The following SEC31A variants were observed in gnomAD, a reference collection of about 807,000 sequenced individuals.
SEC31A encodes protein transport protein Sec31A.
In SEC31A, 70 loss-of-function variants were observed where a neutral mutation model predicts 151.0. The ratio of observed to expected loss-of-function variants is 0.46; its 90% CI spans 0.38 to 0.57. The LOEUF is 0.57. Among genes scored for constraint, SEC31A ranks in the 20% least tolerant of loss-of-function variants. The pLI is 0.00. For missense variants in SEC31A, 1,330 were observed against 1,471.2 expected, an observed-to-expected ratio of 0.90 and a Z score of 1.57; for synonymous variants, 475 against 505.9, an observed-to-expected ratio of 0.94 and a Z score of 0.82.
chr4:82,873,413 T>C (rs562437199), intron 6 of SEC31A, among the ~76,000 whole-genome samples: 6 of 150,460 alleles, frequency 4.0e-5, no homozygotes, highest in Admixed American at 1.3e-4. Flanking sequence ...AAAAACCCCA[T>C]ACTTTTCCTC....
chr4:82,867,524 G>A (rs1403968684), intron 8 of SEC31A, among the ~76,000 whole-genome samples: 1 of 152,186 alleles, frequency 6.6e-6, no homozygotes, highest in Non-Finnish European at 1.5e-5. Flanking sequence ...CAGGAATGCA[G>A]CTTAAAATTT....
chr4:82,873,760 A>G (rs1044482284), intron 6 of SEC31A, among the ~76,000 whole-genome samples: 2 of 152,240 alleles, frequency 1.3e-5, no homozygotes, highest in Non-Finnish European at 2.9e-5. Flanking sequence ...AAACAAACAA[A>G]AAAAGCTCCA....
chr4:82,850,985 A>T (rs1318421398), intron 19 of SEC31A, among the ~76,000 whole-genome samples: 1 of 152,226 alleles, frequency 6.6e-6, no homozygotes, highest in East Asian at 1.9e-4. Flanking sequence ...ACAGTATCAA[A>T]CTAAAATGGC....
rs560878925 is a variant in SEC31A at position 82,898,950 on chromosome 4, T to C, written c.-2+763A>G. On this transcript the variant is annotated intron_variant, in intron 3 of 28. Coordinates refer to the SEC31A transcript ENST00000355196. ...ATGTTCATAATAGTAAAAAAAAAAA[T>C]TGGAAAACCCAAATGTCCACCAACT... 7.9e-4 allele frequency among the ~76,000 whole-genome samples: 119 copies of C among 151,470 alleles called. 1 individual carries two copies. The highest frequency in any genetic ancestry group is 1.5e-3 in the Non-Finnish European group (103 of 67,954).
At chr4:82,826,564 G>A (rs535515661) in intron 24 of SEC31A, among the ~76,000 whole-genome samples, 3 of 152,308 alleles carry the variant, frequency 2.0e-5, no homozygotes, top group African/African-American at 7.2e-5. Flanking sequence ...TGCTGGCCAG[G>A]CTGGTCTCCA....
intron 20 of SEC31A, among the ~76,000 whole-genome samples, chr4:82,845,936 C>G (rs1416461042): frequency 6.6e-6 from 1 of 152,116 alleles, no homozygotes; most frequent in Non-Finnish European, 1.5e-5. Context: ...ACCTGATTTC[C>G]AGGCCAGTGT....
intron 12 of SEC31A, 58 bp downstream of exon 12, chr4:82,863,260 T>C: frequency 9.9e-7 from 1 of 1,013,184 alleles, no homozygotes; most frequent in Non-Finnish European, 1.5e-6. Flanking sequence ...TGTAGAACTT[T>C]ATTTTTTAAA....
intron 18 of SEC31A, 73 bp from the exon 19 acceptor site, chr4:82,851,677 G>T: frequency 7.6e-7 from 1 of 1,312,320 alleles, no homozygotes; most frequent in Non-Finnish European, 1.1e-6. Flanking sequence ...AAGATCAAGA[G>T]TTACTAAGAT....
In SEC31A at chr4:82,889,546, C is replaced by CAA. The variant is rs11463983; in HGVS notation, c.-5+1540_-5+1541dup. On this transcript the variant is annotated intron_variant, in intron 1 of 26. Transcript: ENST00000395310. ...TGGGCAACAAAGAGGGACCCTGTCTCAAAAAAAAAAAAAAAGTAAAAGAAA... is the reference window on the plus strand; with the variant it reads ...TGGGCAACAAAGAGGGACCCTGTCTCAAAAAAAAAAAAAAAAAGTAAAAGAAA... 4.8e-3 allele frequency among the ~76,000 whole-genome samples: 627 copies of CAA among 129,772 alleles called. 6 individuals carry two copies. Among genetic ancestry groups the CAA allele is most frequent in the African/African-American group, 0.012 (409 of 34,666 alleles). 85.1% of individuals were successfully genotyped at this position (129,772 alleles called of 152,430 possible).
At chr4:82,855,511 G>A (rs1420687583) in intron 16 of SEC31A, among the ~76,000 whole-genome samples, 1 of 152,066 alleles carries the variant, frequency 6.6e-6, no homozygotes, top group Non-Finnish European at 1.5e-5. Flanking sequence ...ACTGAGATGA[G>A]ATGAGGCTAA....
At position 82,851,414 on chromosome 4, in the gene SEC31A, T is replaced by G; in HGVS notation, c.2328+17A>C. ...TCACCTTACTCAAACATTACAAAAA[T>G]GGTCAATTCTAATTACCTGGTTGGT... On this transcript the variant is annotated intron_variant, in intron 19 of 26. Coordinates refer to ENST00000395310, the MANE Select transcript of SEC31A (RefSeq NM_001077207.4). 6.2e-7 allele frequency: 1 copy of G among 1,600,262 alleles called. No homozygotes were observed. Among genetic ancestry groups the G allele is most frequent in the South Asian group, 1.1e-5 (1 of 89,682 alleles).
intron 22 of SEC31A, among the ~76,000 whole-genome samples, chr4:82,835,314 A>T (rs140784227): frequency 6.6e-6 from 1 of 152,066 alleles, no homozygotes; most frequent in Non-Finnish European, 1.5e-5. Flanking sequence ...GTCAACGCTT[A>T]AAAAAAATAT....
intron 6 of SEC31A, among the ~76,000 whole-genome samples, chr4:82,872,977 T>C (rs895454950): frequency 3.9e-5 from 6 of 152,198 alleles, no homozygotes; most frequent in African/African-American, 1.2e-4. Flanking sequence ...AGTGTTAGGA[T>C]TGAGCTACTG....
intron 13 of SEC31A, 76 bp from the exon 14 acceptor site, chr4:82,861,784 A>G: frequency 2.2e-6 from 2 of 921,876 alleles, no homozygotes; most frequent in Non-Finnish European, 3.4e-6. Context: ...CAGGAAGACA[A>G]AAGACCCAAC....
At chr4:82,897,027 C>A (rs1560686501) in intron 3 of SEC31A, among the ~76,000 whole-genome samples, 1 of 152,204 alleles carries the variant, frequency 6.6e-6, no homozygotes, top group Non-Finnish European at 1.5e-5. Flanking sequence ...TGGCAGAACA[C>A]TAATTCGTGC....
chr4:82,822,802 T>C (rs1723654587), intron 25 of SEC31A, among the ~76,000 whole-genome samples: 1 of 152,074 alleles, frequency 6.6e-6, no homozygotes, highest in Non-Finnish European at 1.5e-5. Flanking sequence ...GGAGAAACCC[T>C]GTCTCTTCTA....
At chr4:82,853,036 T>C (rs1242920251) in intron 18 of SEC31A, among the ~76,000 whole-genome samples, 1 of 152,182 alleles carries the variant, frequency 6.6e-6, no homozygotes, top group Non-Finnish European at 1.5e-5. Flanking sequence ...CAGGCAATAA[T>C]GCTCGTTCAC....
At chr4:82,840,701 C>T (rs1728531668) in intron 22 of SEC31A, among the ~76,000 whole-genome samples, 1 of 152,194 alleles carries the variant, frequency 6.6e-6, no homozygotes, top group South Asian at 2.1e-4. Context: ...TAGCCTATTA[C>T]TCCTAGGGTA....
intron 1 of SEC31A, 153 bp downstream of exon 1, chr4:82,890,935 G>C (rs546181718): frequency 7.1e-7 from 1 of 1,416,458 alleles, no homozygotes; most frequent in African/African-American, 1.5e-5. Context: ...CGCCGGGCCC[G>C]AAACCAAGAC....
Sources: allele counts gnomAD v4.1 joint callset (sites outside exome capture counted in the v4.1 genomes callset), GRCh38; gene constraint gnomAD v4.1.1; transcripts MANE v1.5; gene names NCBI Gene and HGNC (gene_info 2026-07-23, HGNC 2026-07-21).